The following SLC1A4 variants were observed in gnomAD, a reference collection of about 807,000 sequenced individuals.
The protein encoded by SLC1A4 is neutral amino acid transporter A.
In SLC1A4, 19 loss-of-function variants were observed where a neutral mutation model predicts 37.7. The ratio of observed to expected loss-of-function variants is 0.50; its 90% CI spans 0.35 to 0.74. SLC1A4 has a LOEUF of 0.74. Ranked by LOEUF, SLC1A4 falls within the 30% of genes least tolerant of loss-of-function variation. The probability of loss-of-function intolerance (pLI) is 0.01; values close to 1 mark genes in which losing one functional copy is unlikely to be tolerated. For missense variants in SLC1A4, 570 were observed against 712.9 expected, an observed-to-expected ratio of 0.80 and a Z score of 2.28; for synonymous variants, 299 against 309.8, an observed-to-expected ratio of 0.97 and a Z score of 0.37.
intron 3 of SLC1A4, 145 bp from the exon 4 acceptor site, chr2:65,010,452 T>C (rs1673871876): frequency 1.5e-6 from 1 of 682,928 alleles, no homozygotes; most frequent in South Asian, 2.5e-5. Flanking sequence ...ACCCCTTTAT[T>C]TGCAGAATTG....
At position 65,016,670 on chromosome 2, in the gene SLC1A4, C is replaced by G. The variant is rs370964385; in HGVS notation, c.1031C>G (p.Ser344Cys). The G allele has an allele frequency of 1.9e-6, 3 of 1,611,188 alleles. No homozygotes were observed. The African/African-American group carries it at 4.0e-5, about 22-fold the overall frequency. The stretch of plus-strand genomic sequence containing the variant: ...TTTGCGACAGCATTTGCTACCTGCT[C>G]CAGGTGAGTGGGTTTTGGGTCTCTT... Reference protein sequence around the residue: ...APFATAFATCSSSATLPSMMK... With the variant: ...APFATAFATCCSSATLPSMMK... Residue 344 changes from serine (S) to cysteine (C), a missense_variant, in exon 5 of 8, where the codon TCC becomes TGC. Physicochemically the swap from Ser to Cys is moderately radical, Grantham distance 112. Transcript: ENST00000234256.
chr2:65,003,345 T>C (rs1253946081), intron 2 of SLC1A4, among the ~76,000 whole-genome samples: 3 of 152,324 alleles, frequency 2.0e-5, no homozygotes, highest in East Asian at 1.9e-4. Context: ...TGCAGAAGCA[T>C]GTGAAATCAA....
chr2:64,995,464 G>T (rs1333027778), intron 1 of SLC1A4, among the ~76,000 whole-genome samples: 34 of 152,140 alleles, frequency 2.2e-4, no homozygotes, highest in Admixed American at 2.2e-3. Flanking sequence ...TCCCCCAAAA[G>T]ATCCCCACTC....
intron 2 of SLC1A4, among the ~76,000 whole-genome samples, chr2:65,003,533 CATAA>C (rs753737441): frequency 7.9e-5 from 12 of 151,974 alleles, no homozygotes; most frequent in Non-Finnish European, 1.5e-4. Context: ...CAAAGTGGGG[CATAA>C]ATAAATGAAT....
intron 1 of SLC1A4, among the ~76,000 whole-genome samples, chr2:64,997,161 C>T (rs34954546): frequency 0.25 from 37,378 of 151,884 alleles, 5,145 homozygotes; most frequent in Non-Finnish European, 0.31. Flanking sequence ...TTCTATGGTG[C>T]TTCAGCTCAC....
At chr2:64,995,552 C>T (rs1203053715) in intron 1 of SLC1A4, among the ~76,000 whole-genome samples, 3 of 152,158 alleles carry the variant, frequency 2.0e-5, no homozygotes, top group African/African-American at 7.2e-5. Flanking sequence ...ATTCACACCC[C>T]CATCATCAGA....
chr2:64,989,358 C>T (rs1672944717), upstream of SLC1A4: 3 of 301,542 alleles, frequency 9.9e-6, no homozygotes, highest in African/African-American at 2.2e-5. Flanking sequence ...CGCCCTCCTA[C>T]TTCCCCGTCT....
upstream of SLC1A4, among the ~76,000 whole-genome samples, chr2:64,989,243 AGGCTCCCGGCGGC>A (rs150846291): frequency 0.12 from 13,174 of 109,812 alleles, 750 homozygotes; most frequent in Non-Finnish European, 0.17. Flanking sequence ...TGGGGACCAG[AGGCTCCCGGCGGC>A]GGCTCCCGGC....
chr2:64,997,555 A>G (rs1673302416), intron 1 of SLC1A4, among the ~76,000 whole-genome samples: 1 of 152,210 alleles, frequency 6.6e-6, no homozygotes, highest in African/African-American at 2.4e-5. Context: ...TCATATCAAC[A>G]GAATCATTCA....
intron 7 of SLC1A4, among the ~76,000 whole-genome samples, chr2:65,019,499 G>A (rs1490361556): frequency 6.6e-6 from 1 of 152,172 alleles, no homozygotes; most frequent in Non-Finnish European, 1.5e-5. Context: ...ACAGCACACA[G>A]AATAATGAGC....
At chr2:64,992,660 C>A (rs1333070335) in intron 1 of SLC1A4, among the ~76,000 whole-genome samples, 1 of 152,146 alleles carries the variant, frequency 6.6e-6, no homozygotes, top group East Asian at 1.9e-4. Flanking sequence ...GGGTCTCCTA[C>A]CCCACAGTGC....
intron 3 of SLC1A4, 46 bp downstream of exon 3, chr2:65,004,061 AT>A (rs773921107): frequency 6.7e-6 from 10 of 1,485,684 alleles, no homozygotes; most frequent in Non-Finnish European, 9.4e-6. Flanking sequence ...TCTAAAACAA[AT>A]CTTATTTCTT....
rs1278611319 is a variant in SLC1A4 at position 64,990,001 on chromosome 2, T to C, written c.358T>C (p.Tyr120His). Residue 120 changes from tyrosine to histidine, a missense_variant, in exon 1 of 8, where the codon TAC (tyrosine) becomes CAC (histidine). Transcript: ENST00000234256. ...GCGTCTGGGCGGCATCGCTGTCGCC[T>C]ACTTTGGCCTCACCACACTGAGTGC... ...LGRLGGIAVA[Y>H]FGLTTLSASA... 1 of 1,596,476 alleles carries C rather than the reference T, an allele frequency of 6.3e-7. No individual in the cohort carries two copies. Among genetic ancestry groups the C allele is most frequent in the Non-Finnish European group, 8.5e-7 (1 of 1,171,534 alleles).
At position 65,008,038 on chromosome 2, in the gene SLC1A4, T is replaced by C. The variant is rs149861442; in HGVS notation, c.634-2559T>C. Among the ~76,000 whole-genome samples, 11 of 152,326 alleles carry C rather than the reference T, an allele frequency of 7.2e-5. No individual in the cohort carries two copies. The East Asian group carries it at 2.1e-3, about 29-fold the overall frequency. ...CAATCTACTCTTTGTCTTCATGAGA[T>C]CCACTTTTTTAGCTCCCACATATGA... On this transcript the variant is annotated intron_variant, in intron 3 of 7. Transcript: ENST00000234256.
chr2:64,998,313 C>T (rs918439430), intron 1 of SLC1A4, among the ~76,000 whole-genome samples: 13 of 150,386 alleles, frequency 8.6e-5, no homozygotes, highest in African/African-American at 2.9e-4. Context: ...CCCAACTATT[C>T]GGGAAGCTGA....
chr2:64,989,753 GC>G lies in SLC1A4; in HGVS notation c.111del (p.Phe38SerfsTer30). ...GCGGGACGCGCACGGCGTTGCGCGGGCTTCCTGCGGCGCCAAGCGCTGGTGC... is the reference window on the plus strand; with the variant it reads ...GCGGGACGCGCACGGCGTTGCGCGGGTTCCTGCGGCGCCAAGCGCTGGTGC... Reference protein sequence around the residue: ...TAAGRARRCAGFLRRQALVLL... With the variant: ...TAAGRARRCAXFLRRQALVLL... On this transcript the variant is annotated frameshift_variant, in exon 1 of 8. Coordinates refer to ENST00000234256, the MANE Select transcript of SLC1A4 (RefSeq NM_003038.5). LOFTEE classifies it high-confidence loss of function. 1 of 1,443,648 alleles carries G rather than the reference GC, an allele frequency of 6.9e-7. No individual in the cohort carries two copies. Among genetic ancestry groups the G allele is most frequent in the Non-Finnish European group, 9.0e-7 (1 of 1,105,788 alleles). The allele number at this position is 1,443,648 out of a possible 1,614,324, so 89.4% of individuals were successfully genotyped here.
chr2:65,010,742 T>C lies in SLC1A4; in HGVS notation c.779T>C (p.Val260Ala), dbSNP rs1297139410. The part of the protein sequence containing the change: ...FFNSLNEATM[V>A]LVSWIMWYVP... ...AATTCCCTCAACGAGGCGACGATGG[T>C]GCTGGTGTCCTGGATTATGTGGTGA... The change falls in exon 4 of 8, where the codon GTG (valine) becomes GCG (alanine). Residue 260 changes from valine to alanine, a missense_variant. Transcript: ENST00000234256. 4 of 1,613,650 alleles carry C rather than the reference T, an allele frequency of 2.5e-6. No homozygotes were observed. The South Asian group carries it at 3.3e-5, about 13-fold the overall frequency.
chr2:65,016,504 G>A lies in SLC1A4; in HGVS notation c.865G>A (p.Val289Met), dbSNP rs139319094. The stretch of plus-strand genomic sequence containing the variant: ...GATCGTGGAAATGAAAGACATCATC[G>A]TGCTGGTGACCAGCCTGGGGAAATA... ...SKIVEMKDIIVLVTSLGKYIF... is the reference protein window; with the variant it reads ...SKIVEMKDIIMLVTSLGKYIF... The change falls in exon 5 of 8, where the codon GTG (valine) becomes ATG (methionine). Residue 289 changes from valine (V) to methionine (M), a missense_variant. Val to Met is a conservative substitution (Grantham distance 21). Transcript: ENST00000234256. 2,100 of 1,614,072 alleles carry A rather than the reference G, an allele frequency of 1.3e-3. 3 individuals are homozygous for A. Among genetic ancestry groups the A allele is most frequent in the Non-Finnish European group, 1.7e-3 (1,948 of 1,180,040 alleles).
intron 2 of SLC1A4, among the ~76,000 whole-genome samples, chr2:65,002,692 C>T (rs887459695): frequency 2.6e-5 from 4 of 151,140 alleles, no homozygotes; most frequent in African/African-American, 7.3e-5. Context: ...ATTCTCCTGC[C>T]TCAGCCTTCC....
Sources: gnomAD v4.1 joint callset for allele counts (sites outside exome capture counted in the v4.1 genomes callset) on GRCh38, gnomAD v4.1.1 for gene constraint, MANE v1.5 for transcripts, NCBI Gene and HGNC (gene_info 2026-07-23, HGNC 2026-07-21) for gene names.